Variants in PCDHAC1 observed in about 807,000 individuals in gnomAD.
PCDHAC1 encodes the protein protocadherin alpha subfamily C, 1.
Under a neutral mutation model 60.0 loss-of-function variants are expected in PCDHAC1, and 42 were observed. The ratio of observed to expected loss-of-function variants is 0.70; its 90% CI spans 0.55 to 0.90. The LOEUF is 0.90. PCDHAC1 is among the 40% of genes least tolerant of loss of function. PCDHAC1 has a pLI of 0.00. For missense variants in PCDHAC1, 1,160 were observed against 1,222.3 expected (o/e 0.95, Z 0.76); for synonymous variants, 468 against 499.3 (o/e 0.94, Z 0.84).
chr5:140,967,212 C>T, intron 1 of PCDHAC1: 1 of 1,613,630 alleles, frequency 6.2e-7, no homozygotes, highest in Middle Eastern at 1.6e-4. Flanking sequence ...CCGCGTTTCC[C>T]GCGGCCCAAC....
intron 1 of PCDHAC1, chr5:140,968,997 G>A (rs1459602291): frequency 6.2e-7 from 1 of 1,614,092 alleles, no homozygotes; most frequent in African/African-American, 1.3e-5. Flanking sequence ...TGCTGTGGAG[G>A]CTTCTGTGGA....
rs76093196 is a variant in PCDHAC1, at chr5:140,971,173, C to G, written c.2434-7776C>G. Reference sequence around the variant, plus strand: ...AGGCCAGGCTCAGCTTTGCCACCAGCTGTAAGCCGGAAGCTCAGAGGAAAG... The same window carrying G: ...AGGCCAGGCTCAGCTTTGCCACCAGGTGTAAGCCGGAAGCTCAGAGGAAAG... On this transcript the variant is annotated intron_variant, in intron 1 of 3. Transcript: ENST00000253807. Among the ~76,000 whole-genome samples the G allele has an allele frequency of 3.8e-3, 583 of 152,260 alleles. 1 individual carries two copies. Among genetic ancestry groups the G allele is most frequent in the Non-Finnish European group, 7.2e-3 (492 of 68,018 alleles).
At position 140,980,991 on chromosome 5, in the gene PCDHAC1, C is replaced by G. The variant is rs888673669; in HGVS notation, c.2493-1484C>G. Among the ~76,000 whole-genome samples the G allele has an allele frequency of 1.2e-4, 18 of 151,972 alleles. 1 individual carries two copies. Among genetic ancestry groups the G allele is most frequent in the Non-Finnish European group, 8.8e-5 (6 of 68,014 alleles). ...AATCTGACTGAGCCCACACAATTTG[C>G]TAGTAGGATCCAGGAACACTTGAAG... On this transcript the variant is annotated intron_variant, in intron 2 of 3. Transcript: ENST00000253807.
chr5:140,991,075 G>A (rs2097430816), intron 3 of PCDHAC1, among the ~76,000 whole-genome samples: 1 of 152,134 alleles, frequency 6.6e-6, no homozygotes, highest in Non-Finnish European at 1.5e-5. Flanking sequence ...CCATGTTTCA[G>A]ATAAAAAAAT....
intron 1 of PCDHAC1, among the ~76,000 whole-genome samples, chr5:140,952,297 C>G (rs2094716383): frequency 6.7e-6 from 1 of 149,532 alleles, no homozygotes; most frequent in South Asian, 2.1e-4. Context: ...TTCTCACAGC[C>G]ATTTCACTCC....
chr5:140,937,795 C>T (rs1472022589), intron 1 of PCDHAC1, among the ~76,000 whole-genome samples: 1 of 151,670 alleles, frequency 6.6e-6, no homozygotes, highest in Non-Finnish European at 1.5e-5. Context: ...GTATGTAGTC[C>T]CAGCTACTCG....
intron 1 of PCDHAC1, among the ~76,000 whole-genome samples, chr5:140,941,191 T>TTTTTC (rs1554213809): frequency 1.8e-4 from 17 of 93,256 alleles, no homozygotes; most frequent in Middle Eastern, 5.1e-3. Context: ...GCTTCTTTTT[T>TTTTTC]TTTCTTTCTT....
At chr5:140,980,842 T>C (rs376646751) in intron 2 of PCDHAC1, among the ~76,000 whole-genome samples, 2 of 152,328 alleles carry the variant, frequency 1.3e-5, no homozygotes, top group Non-Finnish European at 2.9e-5. Flanking sequence ...ACCTAAATAA[T>C]ACTAATCTTT....
At position 141,004,143 on chromosome 5, in the gene PCDHAC1, C is replaced by T. The variant is rs1023273119; in HGVS notation, c.2582-5484C>T. 2.6e-5 allele frequency among the ~76,000 whole-genome samples: 4 copies of T among 152,252 alleles called. No homozygotes were observed. In the East Asian group the frequency reaches 7.7e-4, roughly 29 times the overall value. ...TATCTCCATGATTCTGCCCCAAAGG[C>T]ATGACATTTTATAGGCAAAGCCAGC... On this transcript the variant is annotated intron_variant, in intron 3 of 3. Transcript: ENST00000253807.
chr5:140,990,554 A>T (rs555586765), intron 3 of PCDHAC1, among the ~76,000 whole-genome samples: 1 of 152,308 alleles, frequency 6.6e-6, no homozygotes, highest in East Asian at 1.9e-4. Context: ...GTATTACCCA[A>T]GAACACACAC....
At position 141,005,728 on chromosome 5, in the gene PCDHAC1, A is replaced by T. The variant is rs574255915; in HGVS notation, c.2582-3899A>T. On this transcript the variant is annotated intron_variant, in intron 3 of 3. Coordinates refer to ENST00000253807, the MANE Select transcript of PCDHAC1 (RefSeq NM_018898.5). ...AAAAAAAAAAAAAAAAAAAAAAAAA[A>T]AAAGAATGGATGAGAAATCATTCAA... Among the ~76,000 whole-genome samples the T allele has an allele frequency of 1.3e-4, 19 of 150,362 alleles. No homozygotes were observed. The South Asian group carries it at 1.7e-3, about 13-fold the overall frequency.
chr5:140,998,321 G>A lies in PCDHAC1; in HGVS notation c.2582-11306G>A, dbSNP rs79793895. On this transcript the variant is annotated intron_variant, in intron 3 of 3. Coordinates refer to ENST00000253807, the MANE Select transcript of PCDHAC1 (RefSeq NM_018898.5). ...TTTAGTAAGGGCACCAGGATCTGAA[G>A]CAGGATTGTTTGACTTCTGAGTCTG... is the stretch of plus-strand genomic sequence containing the variant. 9.8e-3 allele frequency among the ~76,000 whole-genome samples: 1,493 copies of A among 152,278 alleles called. 32 individuals carry two copies. The highest frequency in any genetic ancestry group is 0.034 in the African/African-American group (1,408 of 41,548).
At chr5:140,967,029 G>T in intron 1 of PCDHAC1, 1 of 1,609,056 alleles carries the variant, frequency 6.2e-7, no homozygotes, top group Non-Finnish European at 8.5e-7. Context: ...CCCAGTCCGC[G>T]CTACCTGGAG....
At chr5:141,000,395 CTA>C (rs1190667031) in intron 3 of PCDHAC1, among the ~76,000 whole-genome samples, 91 of 53,954 alleles carry the variant, frequency 1.7e-3, no homozygotes, top group Admixed American at 3.8e-3. Flanking sequence ...CTCTCTCTCT[CTA>C]TATATATATA....
chr5:140,952,822 G>A (rs1364476088), intron 1 of PCDHAC1, among the ~76,000 whole-genome samples: 3 of 152,184 alleles, frequency 2.0e-5, no homozygotes, highest in Non-Finnish European at 4.4e-5. Context: ...TGTACAGGAA[G>A]CATGATGCTG....
chr5:140,988,491 AGG>A (rs2097299997), intron 3 of PCDHAC1, among the ~76,000 whole-genome samples: 1 of 152,182 alleles, frequency 6.6e-6, no homozygotes, highest in Non-Finnish European at 1.5e-5. Context: ...TCCCCTACCT[AGG>A]AGAAGCCATG....
intron 1 of PCDHAC1, chr5:140,966,547 G>A (rs2096020137): frequency 2.1e-6 from 1 of 467,502 alleles, no homozygotes; most frequent in Non-Finnish European, 3.6e-6. Context: ...ACTCGGAGGC[G>A]AGCGGAGGAG....
intron 1 of PCDHAC1, among the ~76,000 whole-genome samples, chr5:140,945,159 A>G (rs1341706509): frequency 2.0e-5 from 3 of 152,178 alleles, no homozygotes; most frequent in Non-Finnish European, 4.4e-5. Flanking sequence ...TACACTATTG[A>G]ACTATCTGAA....
intron 3 of PCDHAC1, among the ~76,000 whole-genome samples, chr5:140,995,219 GT>G (rs1554254532): frequency 6.6e-6 from 1 of 152,072 alleles, no homozygotes; most frequent in East Asian, 1.9e-4. Flanking sequence ...CAATACTCTT[GT>G]GCTTTGGGGC....
Sources: allele counts gnomAD v4.1 joint callset (sites outside exome capture counted in the v4.1 genomes callset), GRCh38; gene constraint gnomAD v4.1.1; transcripts MANE v1.5; gene names NCBI Gene and HGNC (gene_info 2026-07-23, HGNC 2026-07-21).